LAMB4: variants seen among roughly 807,000 people sequenced by gnomAD.
The protein encoded by LAMB4 is laminin subunit beta 4.
Under a neutral mutation model 199.2 loss-of-function variants are expected in LAMB4, and 196 were observed. That is an observed-to-expected ratio of 0.98 (90% CI 0.88 to 1.11). The LOEUF (loss-of-function observed/expected upper bound fraction) is 1.11. LAMB4 is among the 50% of genes least tolerant of loss of function. The pLI, the probability that LAMB4 is intolerant of heterozygous loss-of-function variation, is 0.00. For missense variants in LAMB4, 2,080 were observed against 2,171.2 expected, an observed-to-expected ratio of 0.96 and a Z score of 0.83; for synonymous variants, 744 against 770.6, an observed-to-expected ratio of 0.97 and a Z score of 0.57.
intron 11 of LAMB4, among the ~76,000 whole-genome samples, chr7:108,097,275 C>T (rs2037643726): frequency 6.6e-6 from 1 of 152,168 alleles, no homozygotes; most frequent in African/African-American, 2.4e-5. Flanking sequence ...CCCAGGGTTT[C>T]TGAGGAATCT....
chr7:108,104,534 C>T lies in LAMB4; in HGVS notation c.956G>A (p.Arg319Lys). ...GTTGTCCTGGAGGTCTGCAGCTGGC[C>T]TCCAAGGAGCATCCTGGAAGAAGTC... ...CKDFFQDAPW[R>K]PAADLQDNAC... Residue 319 changes from arginine to lysine, a missense_variant, in exon 9 of 34, where the codon AGG (arginine) becomes AAG (lysine). Coordinates refer to ENST00000388781, the MANE Select transcript of LAMB4 (RefSeq NM_007356.3). The T allele has an allele frequency of 6.2e-7, 1 of 1,614,204 alleles. No homozygotes were observed. The highest frequency in any genetic ancestry group is 8.5e-7 in the Non-Finnish European group (1 of 1,180,030).
rs775934990 is a variant in LAMB4, at chr7:108,047,987, G to T, written c.4247C>A (p.Thr1416Lys). Residue 1416 changes from threonine to lysine, a missense_variant, in exon 28 of 34, where the codon ACG (threonine) becomes AAG (lysine). Transcript: ENST00000388781. ...TTCCTGGGCTTTTTGGAGGGCATTC[G>T]TTGAGAGGGTCAGGGAGCCGTGACA... ...PGCHGSLTLS[T>K]NALQKAQEAK... 2 of 1,614,122 alleles carry T rather than the reference G, an allele frequency of 1.2e-6. No homozygotes were observed. The highest frequency in any genetic ancestry group is 1.7e-6 in the Non-Finnish European group (2 of 1,180,022).
chr7:108,106,803 G>A (rs2038034248), intron 6 of LAMB4, among the ~76,000 whole-genome samples: 1 of 152,006 alleles, frequency 6.6e-6, no homozygotes, highest in Non-Finnish European at 1.5e-5. Context: ...CCAGGCTCAA[G>A]TGATCCTCCT....
chr7:108,020,891 G>A (rs1056832596), downstream of LAMB4, among the ~76,000 whole-genome samples: 1 of 152,176 alleles, frequency 6.6e-6, no homozygotes, highest in Non-Finnish European at 1.5e-5. Context: ...AGGCAAAAAA[G>A]GGGGGTGTAT....
Position 108,115,897 on chromosome 7 carries a change from A to G in LAMB4, c.192+107T>C, listed in dbSNP as rs6945854. 24,346 of 1,226,026 alleles carry G rather than the reference A, an allele frequency of 0.02. 3,137 individuals are homozygous for G. In the African/African-American group the frequency reaches 0.3, roughly 15 times the overall value. 75.9% of individuals were successfully genotyped at this position (1,226,026 alleles called of 1,614,324 possible). Reference sequence around the variant, plus strand: ...ACTGCACCAGTGTCTCCATTGTTTAAAAAGGAAGTTGTCTCCTTTAATGTC... The same window carrying G: ...ACTGCACCAGTGTCTCCATTGTTTAGAAAGGAAGTTGTCTCCTTTAATGTC... On this transcript the variant is annotated intron_variant, in intron 3 of 33. Transcript: ENST00000388781.
At chr7:108,030,142 C>T (rs1222206218) in intron 32 of LAMB4, among the ~76,000 whole-genome samples, 1 of 151,064 alleles carries the variant, frequency 6.6e-6, no homozygotes, top group Non-Finnish European at 1.5e-5. Flanking sequence ...AAGAACTTTT[C>T]TCAATCTCTG....
intron 17 of LAMB4, among the ~76,000 whole-genome samples, chr7:108,076,169 C>T (rs528811248): frequency 1.2e-3 from 186 of 151,824 alleles, no homozygotes; most frequent in Non-Finnish European, 2.5e-3. Context: ...ATCAAATACA[C>T]ATAGTAGTAA....
intron 22 of LAMB4, 75 bp downstream of exon 22, chr7:108,063,686 A>G: frequency 1.5e-6 from 2 of 1,294,854 alleles, no homozygotes; most frequent in Non-Finnish European, 2.2e-6. Flanking sequence ...TGAAATGATC[A>G]TGGGAGAGCT....
At chr7:108,066,634 G>A (rs374894582) in intron 19 of LAMB4, 34 bp from the exon 20 acceptor site, 312 of 1,389,682 alleles carry the variant, frequency 2.2e-4, no homozygotes, top group Non-Finnish European at 3.0e-4. Context: ...GCTGGAGCGG[G>A]GATGAGTGGT....
chr7:108,116,815 G>A (rs943970897), intron 2 of LAMB4, among the ~76,000 whole-genome samples: 19 of 152,124 alleles, frequency 1.2e-4, no homozygotes, highest in African/African-American at 4.3e-4. Flanking sequence ...GGAGAAGTGC[G>A]TGAGGCCAGG....
chr7:108,040,964 A>G (rs556642504), intron 29 of LAMB4, among the ~76,000 whole-genome samples: 3 of 152,310 alleles, frequency 2.0e-5, no homozygotes, highest in Non-Finnish European at 4.4e-5. Flanking sequence ...CAGAGTAAAC[A>G]CAACCTACAG....
intron 23 of LAMB4, among the ~76,000 whole-genome samples, chr7:108,061,622 C>T (rs2036161917): frequency 6.6e-6 from 1 of 151,402 alleles, no homozygotes; most frequent in Admixed American, 6.6e-5. Context: ...GCCTGTAATC[C>T]CATCTACTCA....
rs139142001 is a variant in LAMB4, at chr7:108,063,814, C to T, written c.3008G>A (p.Cys1003Tyr). Residue 1003 changes from cysteine to tyrosine, a missense_variant, in exon 22 of 34, where the codon TGC becomes TAC. Coordinates refer to ENST00000388781, the MANE Select transcript of LAMB4 (RefSeq NM_007356.3). Reference protein sequence around the residue: ...RCLHNTQGANCQLCKPGHYGS... With the variant: ...RCLHNTQGANYQLCKPGHYGS... Reference sequence around the variant, plus strand: ...ATAGTGACCTGGTTTGCAGAGCTGGCAGTTTGCGCCCTGAGTGTTGTGCAA... The same window carrying T: ...ATAGTGACCTGGTTTGCAGAGCTGGTAGTTTGCGCCCTGAGTGTTGTGCAA... The T allele has an allele frequency of 3.1e-6, 5 of 1,614,088 alleles. 1 individual carries two copies. In the South Asian group the frequency reaches 4.4e-5, roughly 14 times the overall value.
At chr7:108,085,562 C>A (rs572166956) in intron 14 of LAMB4, among the ~76,000 whole-genome samples, 28 of 152,112 alleles carry the variant, frequency 1.8e-4, no homozygotes, top group African/African-American at 6.7e-4. Context: ...CCCTTTGTTT[C>A]CTTCTGGTTT....
chr7:108,053,302 T>C (rs1400454837), intron 25 of LAMB4, among the ~76,000 whole-genome samples: 3 of 152,218 alleles, frequency 2.0e-5, no homozygotes, highest in Non-Finnish European at 4.4e-5. Context: ...ACCGGGTAGT[T>C]TGACTTCTGA....
At chr7:108,029,266 C>A in intron 32 of LAMB4, 70 bp from the exon 33 acceptor site, 1 of 1,359,100 alleles carries the variant, frequency 7.4e-7, no homozygotes, top group South Asian at 1.4e-5. Flanking sequence ...TGATGATTCT[C>A]CTAATTCCAT....
chr7:108,106,349 C>T (rs757260663), intron 7 of LAMB4, among the ~76,000 whole-genome samples, 160 bp downstream of exon 7: 4 of 151,212 alleles, frequency 2.6e-5, no homozygotes, highest in South Asian at 2.1e-4. Context: ...ACCCAGGAGG[C>T]GGAGGTTGCA....
At chr7:108,021,318 A>T (rs1299611063), downstream of LAMB4, among the ~76,000 whole-genome samples, 1 of 152,128 alleles carries the variant, frequency 6.6e-6, no homozygotes, top group Non-Finnish European at 1.5e-5. Flanking sequence ...GTGAGTGATG[A>T]GACTGTGGGT....
chr7:108,025,388 C>CTT (rs142627472), intron 33 of LAMB4, among the ~76,000 whole-genome samples: 19,114 of 96,888 alleles, frequency 0.2, 1,768 homozygotes, highest in Admixed American at 0.23. Flanking sequence ...CTTTTCTTTT[C>CTT]TTTTCTTTCT....
Sources: gnomAD v4.1 joint callset for allele counts (sites outside exome capture counted in the v4.1 genomes callset) on GRCh38, gnomAD v4.1.1 for gene constraint, MANE v1.5 for transcripts, NCBI Gene and HGNC (gene_info 2026-07-23, HGNC 2026-07-21) for gene names.